SYNPO2: variants seen among roughly 807,000 people sequenced by gnomAD.
SYNPO2 encodes synaptopodin-2.
In SYNPO2, 56 loss-of-function variants were observed where a neutral mutation model predicts 85.0. That is an observed-to-expected ratio of 0.66 (90% CI 0.53 to 0.82). The LOEUF is 0.82. Among genes scored for constraint, SYNPO2 ranks in the 40% least tolerant of loss-of-function variants. The pLI is 0.00. For synonymous variants in SYNPO2, 602 were observed against 591.1 expected, an observed-to-expected ratio of 1.02 and a Z score of -0.27; for missense variants, 1,575 against 1,534.2, an observed-to-expected ratio of 1.03 and a Z score of -0.44.
chr4:118,994,041 T>G (rs555182479), intron 1 of SYNPO2, among the ~76,000 whole-genome samples: 1 of 152,302 alleles, frequency 6.6e-6, no homozygotes, highest in African/African-American at 2.4e-5. Flanking sequence ...CATTTGGTTC[T>G]TCTAGGGGGC....
At chr4:118,976,026 G>A (rs1735713319) in intron 1 of SYNPO2, among the ~76,000 whole-genome samples, 1 of 152,210 alleles carries the variant, frequency 6.6e-6, no homozygotes. Context: ...CCCTACCAGA[G>A]CTTTTGAAAT....
chr4:118,959,365 A>C (rs570041990), intron 1 of SYNPO2, among the ~76,000 whole-genome samples: 98 of 152,340 alleles, frequency 6.4e-4, no homozygotes, highest in African/African-American at 2.3e-3. Flanking sequence ...GAGAATGAAG[A>C]ATTAAAAGAA....
At chr4:118,997,193 TCCCGCCAC>T (rs1471743950) in intron 1 of SYNPO2, among the ~76,000 whole-genome samples, 28 of 126,728 alleles carry the variant, frequency 2.2e-4, no homozygotes, top group South Asian at 7.6e-4. Flanking sequence ...TGAGCCGAGA[TCCCGCCAC>T]TGCACTCCAG....
At chr4:118,867,433 G>A (rs1731719305) in intron 1 of SYNPO2, among the ~76,000 whole-genome samples, 1 of 150,894 alleles carries the variant, frequency 6.6e-6, no homozygotes, top group Non-Finnish European at 1.5e-5. Flanking sequence ...TACCATTATA[G>A]AGATAATTCC....
chr4:119,032,960 CTAAG>C (rs1236533287), intron 4 of SYNPO2: 1 of 494,344 alleles, frequency 2.0e-6, no homozygotes, highest in Admixed American at 1.4e-4. Context: ...ACTTAAGGAA[CTAAG>C]TGAGTACATC....
In SYNPO2 at chr4:118,882,157, G is replaced by C. The variant is rs528929530; in HGVS notation, c.12+31217G>C. ...ATAATTTTACCTCTTATTGTTGTCG[G>C]TCACTTTTTATTGGGGGGAAGTAAA... On this transcript the variant is annotated intron_variant, in intron 1 of 4. Transcript: ENST00000610556. Among the ~76,000 whole-genome samples, 42 of 152,160 alleles carry C rather than the reference G, an allele frequency of 2.8e-4. 1 individual carries two copies. In the South Asian group the frequency reaches 8.3e-3, roughly 30 times the overall value.
At chr4:118,956,204 A>G (rs28463345) in intron 1 of SYNPO2, among the ~76,000 whole-genome samples, 65,822 of 151,940 alleles carry the variant, frequency 0.43, 14,513 homozygotes, top group Admixed American at 0.55. Flanking sequence ...GATTTTAAAG[A>G]GAAACTGGGG....
chr4:118,933,086 A>G (rs1249844461), intron 1 of SYNPO2, among the ~76,000 whole-genome samples: 1 of 152,230 alleles, frequency 6.6e-6, no homozygotes. Flanking sequence ...GTCAATGATG[A>G]AAAAGGAAAT....
At chr4:119,039,121 A>G (rs1738628357) in intron 4 of SYNPO2, among the ~76,000 whole-genome samples, 1 of 152,188 alleles carries the variant, frequency 6.6e-6, no homozygotes, top group Admixed American at 6.5e-5. Flanking sequence ...ATGGGGGCTT[A>G]AGATGTGCTA....
chr4:119,056,822 G>A (rs930432499), intron 4 of SYNPO2, among the ~76,000 whole-genome samples: 3 of 152,136 alleles, frequency 2.0e-5, no homozygotes, highest in Non-Finnish European at 4.4e-5. Flanking sequence ...AATCATACCA[G>A]TAATGTTAAC....
At chr4:118,909,789 T>C (rs1733073389) in intron 1 of SYNPO2, among the ~76,000 whole-genome samples, 3 of 152,208 alleles carry the variant, frequency 2.0e-5, no homozygotes, top group Non-Finnish European at 4.4e-5. Flanking sequence ...CCATTACACT[T>C]ATATCTGTGT....
intron 1 of SYNPO2, among the ~76,000 whole-genome samples, chr4:118,853,551 T>C (rs72669485): frequency 0.016 from 2,068 of 129,728 alleles, 18 homozygotes; most frequent in Non-Finnish European, 0.028. Flanking sequence ...AAGACAGAGA[T>C]AAGCCTATCT....
intron 1 of SYNPO2, among the ~76,000 whole-genome samples, chr4:118,858,235 C>G (rs1314760326): frequency 2.0e-5 from 3 of 151,588 alleles, no homozygotes; most frequent in African/African-American, 7.2e-5. Flanking sequence ...CTCTCCACCT[C>G]CCCACTTCCT....
At chr4:119,051,945 G>A (rs866777346) in intron 4 of SYNPO2, among the ~76,000 whole-genome samples, 1 of 152,208 alleles carries the variant, frequency 6.6e-6, no homozygotes. Flanking sequence ...TCTGTGAGAA[G>A]GAATTCCAGA....
intron 1 of SYNPO2, among the ~76,000 whole-genome samples, chr4:118,963,085 A>T (rs1735169781): frequency 1.3e-5 from 2 of 152,130 alleles, no homozygotes; most frequent in African/African-American, 4.8e-5. Context: ...CTGAGAGTGA[A>T]CTCAATTTGT....
chr4:118,927,703 GA>G (rs1733763363), intron 1 of SYNPO2, among the ~76,000 whole-genome samples: 5 of 97,272 alleles, frequency 5.1e-5, no homozygotes, highest in Admixed American at 9.8e-5. Flanking sequence ...CAATGAGATA[GA>G]TAGATAGATA....
At position 119,061,233 on chromosome 4, in the gene SYNPO2, A is replaced by G. The variant is rs1739403684; in HGVS notation, c.*3299A>G. The G allele has an allele frequency of 6.6e-6, 1 of 152,166 alleles. No homozygotes were observed. Among genetic ancestry groups the G allele is most frequent in the Non-Finnish European group, 1.5e-5 (1 of 68,022 alleles). The allele number at this position is 152,166 out of a possible 1,614,324, so 9.4% of individuals were successfully genotyped here. ...TTGAAATTATATTAGTAATAAATGTAACTTGAAAAATCAAGTTTAGGAGCC... is the reference window on the plus strand; with the variant it reads ...TTGAAATTATATTAGTAATAAATGTGACTTGAAAAATCAAGTTTAGGAGCC... On this transcript the variant is annotated 3_prime_UTR_variant, in exon 5 of 5. Transcript: ENST00000307142.
upstream of SYNPO2, chr4:118,888,741 A>C (rs1489925409): frequency 2.3e-6 from 1 of 428,852 alleles, no homozygotes; most frequent in African/African-American, 2.0e-5. Context: ...CCTGTGTGTG[A>C]AGCTGCTTTC....
intron 4 of SYNPO2, among the ~76,000 whole-genome samples, chr4:119,050,590 C>A (rs1341271622): frequency 6.6e-6 from 1 of 152,210 alleles, no homozygotes; most frequent in Admixed American, 6.5e-5. Context: ...TCAGCCCCCA[C>A]TGCCTGGCAT....
Sources: gnomAD v4.1 joint callset for allele counts (sites outside exome capture counted in the v4.1 genomes callset) on GRCh38, gnomAD v4.1.1 for gene constraint, MANE v1.5 for transcripts, NCBI Gene and HGNC (gene_info 2026-07-23, HGNC 2026-07-21) for gene names.